PIGS: variants seen among roughly 807,000 people sequenced by gnomAD.
The protein encoded by PIGS is phosphatidylinositol glycan anchor biosynthesis class S.
A neutral mutation model predicts 58.2 loss-of-function variants in PIGS; 37 were observed. The observed-to-expected ratio is 0.64, with a 90% CI of 0.49 to 0.84. PIGS has a LOEUF of 0.84. Among genes scored for constraint, PIGS ranks in the 40% least tolerant of loss-of-function variants. PIGS has a pLI of 0.00. For missense variants in PIGS, 629 were observed against 710.8 expected (o/e 0.88, Z 1.31); for synonymous variants, 269 against 289.2 (o/e 0.93, Z 0.71).
At chr17:28,563,655 C>T (rs1371092272) in intron 4 of PIGS, 133 bp from the exon 5 acceptor site, 6 of 1,169,112 alleles carry the variant, frequency 5.1e-6, no homozygotes, top group Non-Finnish European at 7.5e-6. Flanking sequence ...AGCCAATCAA[C>T]CTCTCTGGCC....
At chr17:28,563,749 T>C in intron 4 of PIGS, 69 bp downstream of exon 4, 1 of 1,470,296 alleles carries the variant, frequency 6.8e-7, no homozygotes, top group Non-Finnish European at 9.5e-7. Context: ...GCATGGGAAC[T>C]ATGCACTTAG....
rs368234060 is a variant in PIGS at position 28,556,279 on chromosome 17, A to C, written c.1081-13T>G. 1 of 1,579,882 alleles carries C rather than the reference A, an allele frequency of 6.3e-7. No homozygotes were observed. The highest frequency in any genetic ancestry group is 8.7e-7 in the Non-Finnish European group (1 of 1,148,906). On this transcript the variant is annotated splice_polypyrimidine_tract_variant and intron_variant, in intron 9 of 11. Coordinates refer to ENST00000308360, the MANE Select transcript of PIGS (RefSeq NM_033198.4). The stretch of plus-strand genomic sequence containing the variant: ...CAACATTATATACCTGAAAGGGGGA[A>C]TGAGATTGCCACAACATCATACCAG...
At position 28,554,512 on chromosome 17, in the gene PIGS, A is replaced by G; in HGVS notation, c.1393-17T>C. ...CTTGTACACCTAGGAAGGAGAAGGG[A>G]CAAGAGGGTATACCAGTAAGTCCTA... is the stretch of plus-strand genomic sequence containing the variant. On this transcript the variant is annotated splice_polypyrimidine_tract_variant and intron_variant, in intron 11 of 11. Transcript: ENST00000308360. 6.2e-7 allele frequency: 1 copy of G among 1,611,710 alleles called. No homozygotes were observed. Among genetic ancestry groups the G allele is most frequent in the Non-Finnish European group, 8.5e-7 (1 of 1,178,730 alleles).
Position 28,554,494 on chromosome 17 carries a change from A to G in PIGS, c.1394T>C (p.Val465Ala). ...CTGGACGGCAGCTACAGCCTTGTAC[A>G]CCTAGGAAGGAGAAGGGACAAGAGG... is the stretch of plus-strand genomic sequence containing the variant. ...IVIKDDVASE[V>A]YKAVAAVQKS... The change falls in exon 12 of 12, where the codon GTG (valine) becomes GCG (alanine). Residue 465 changes from valine (V) to alanine (A), a missense_variant and splice_region_variant. Physicochemically the swap from Val to Ala is moderately conservative, Grantham distance 64. Coordinates refer to ENST00000308360, the MANE Select transcript of PIGS (RefSeq NM_033198.4). The G allele has an allele frequency of 6.2e-7, 1 of 1,613,734 alleles. No individual in the cohort carries two copies.
At chr17:28,564,953 C>A (rs1400818401) in intron 3 of PIGS, among the ~76,000 whole-genome samples, 18 of 152,152 alleles carry the variant, frequency 1.2e-4, no homozygotes, top group Non-Finnish European at 2.6e-4. Flanking sequence ...AGTAATAAAA[C>A]AAGGATGCCT....
intron 2 of PIGS, 23 bp from the exon 3 acceptor site, chr17:28,570,986 C>G (rs745814919): frequency 4.3e-6 from 7 of 1,614,208 alleles, no homozygotes; most frequent in Non-Finnish European, 5.9e-6. Context: ...GCATCAGGGC[C>G]GTCACTGAGT....
intron 3 of PIGS, among the ~76,000 whole-genome samples, chr17:28,568,205 C>G (rs111522384): frequency 1.3e-5 from 2 of 151,896 alleles, no homozygotes; most frequent in African/African-American, 2.4e-5. Context: ...CAGGTTCAAG[C>G]GATTCTCCTG....
At chr17:28,558,361 TG>T in intron 8 of PIGS, 114 bp downstream of exon 8, 2 of 856,360 alleles carry the variant, frequency 2.3e-6, no homozygotes, top group Non-Finnish European at 1.8e-6. Context: ...CAACCCAACC[TG>T]GGAACCATCA....
intron 5 of PIGS, 128 bp downstream of exon 5, chr17:28,563,303 A>C: frequency 1.2e-6 from 1 of 835,308 alleles, no homozygotes; most frequent in Non-Finnish European, 1.9e-6. Flanking sequence ...AAAAAAAAAA[A>C]AATTTTTTTT....
intron 7 of PIGS, among the ~76,000 whole-genome samples, chr17:28,559,824 T>C (rs932535386): frequency 1.3e-5 from 2 of 150,764 alleles, no homozygotes; most frequent in Admixed American, 6.6e-5. Context: ...ACTCTCTCAA[T>C]AGGATGCCAA....
chr17:28,564,288 C>G (rs1447871671), intron 3 of PIGS, among the ~76,000 whole-genome samples: 1 of 152,202 alleles, frequency 6.6e-6, no homozygotes, highest in Non-Finnish European at 1.5e-5. Flanking sequence ...AATACACAGG[C>G]TGGGCACGGT....
chr17:28,563,797 T>G (rs774803892), intron 4 of PIGS, 21 bp downstream of exon 4: 1 of 1,592,788 alleles, frequency 6.3e-7, no homozygotes, highest in East Asian at 2.2e-5. Context: ...ATTAAAATGG[T>G]GTGCTCATCC....
chr17:28,557,712 G>A (rs1215354356), intron 8 of PIGS, among the ~76,000 whole-genome samples: 1 of 152,178 alleles, frequency 6.6e-6, no homozygotes, highest in Non-Finnish European at 1.5e-5. Context: ...ACTTTGGTTT[G>A]CCTGTGTTAC....
At chr17:28,565,369 G>T (rs1258756681) in intron 3 of PIGS, among the ~76,000 whole-genome samples, 1 of 151,910 alleles carries the variant, frequency 6.6e-6, no homozygotes, top group African/African-American at 2.4e-5. Context: ...AGCATACAAG[G>T]CCCCTAGATG....
chr17:28,562,220 A>G (rs908729404), intron 5 of PIGS, among the ~76,000 whole-genome samples: 3 of 152,224 alleles, frequency 2.0e-5, no homozygotes, highest in Admixed American at 2.0e-4. Flanking sequence ...AAAATTAAAT[A>G]CATTGTTTAC....
intron 5 of PIGS, among the ~76,000 whole-genome samples, 190 bp downstream of exon 5, chr17:28,563,241 C>T (rs895418028): frequency 3.3e-5 from 5 of 151,640 alleles, no homozygotes; most frequent in Non-Finnish European, 5.9e-5. Flanking sequence ...TGCAGTGAGC[C>T]GAGATCCCGC....
chr17:28,555,568 A>G, intron 10 of PIGS: 1 of 169,360 alleles, frequency 5.9e-6, no homozygotes, highest in Non-Finnish European at 1.3e-5. Context: ...ACAGAGCCTC[A>G]GGCAGCCACT....
In PIGS at chr17:28,558,663, G is replaced by A. The variant is rs1336486137; in HGVS notation, c.820-73C>T. On this transcript the variant is annotated intron_variant, in intron 7 of 11. Transcript: ENST00000308360. Reference sequence around the variant, plus strand: ...CTTTCTCCCAAAAAAGATTTGAGGTGCCTTAAAAAAGACACAATCAGGACA... The same window carrying A: ...CTTTCTCCCAAAAAAGATTTGAGGTACCTTAAAAAAGACACAATCAGGACA... 5 of 1,259,978 alleles carry A rather than the reference G, an allele frequency of 4.0e-6. No homozygotes were observed. The African/African-American group carries it at 6.0e-5, about 15-fold the overall frequency. 78.0% of individuals were successfully genotyped at this position (1,259,978 alleles called of 1,614,324 possible).
intron 6 of PIGS, among the ~76,000 whole-genome samples, 198 bp downstream of exon 6, chr17:28,561,224 C>T (rs1001374510): frequency 3.3e-5 from 5 of 151,964 alleles, no homozygotes; most frequent in Non-Finnish European, 5.9e-5. Context: ...TGCCACTGCA[C>T]TCAGCCCAGG....
Sources: allele counts gnomAD v4.1 joint callset (sites outside exome capture counted in the v4.1 genomes callset), GRCh38; gene constraint gnomAD v4.1.1; transcripts MANE v1.5; gene names NCBI Gene and HGNC (gene_info 2026-07-23, HGNC 2026-07-21).